VAT1L: variants seen among roughly 807,000 people sequenced by gnomAD.
VAT1L encodes the protein putative NADPH-dependent quinone oxidoreductase VAT1L.
VAT1L carries 34 observed loss-of-function variants against 44.1 expected under a neutral mutation model. That is an observed-to-expected ratio of 0.77 (90% CI 0.59 to 1.03). The LOEUF (loss-of-function observed/expected upper bound fraction) is 1.03, where lower values mean the gene tolerates loss of function less well. VAT1L is among the 50% of genes least tolerant of loss of function. The probability of loss-of-function intolerance (pLI) is 0.00; values close to 1 mark genes in which losing one functional copy is unlikely to be tolerated. For synonymous variants in VAT1L, 253 were observed against 202.2 expected (o/e 1.25, Z -2.13); for missense variants, 615 against 538.8 (o/e 1.14, Z -1.40).
chr16:77,963,405 C>G (rs139653518), intron 7 of VAT1L, among the ~76,000 whole-genome samples: 2 of 151,996 alleles, frequency 1.3e-5, no homozygotes, highest in African/African-American at 4.8e-5. Flanking sequence ...CTTCTAAAGA[C>G]GGGAAAGTCA....
rs556882601 is a variant in VAT1L at position 77,840,315 on chromosome 16, C to T, written c.579+14854C>T. Among the ~76,000 whole-genome samples the T allele has an allele frequency of 2.2e-3, 335 of 152,300 alleles. 1 individual carries two copies. The highest frequency in any genetic ancestry group is 3.6e-3 in the Non-Finnish European group (247 of 68,030). ...AGGGAAGTTCTCATAAAAGGGCACA[C>T]GTGAATGGTTATTTCGAAATCTTTC... On this transcript the variant is annotated intron_variant, in intron 3 of 8. Transcript: ENST00000302536.
chr16:77,872,816 C>A (rs568211711), intron 4 of VAT1L, among the ~76,000 whole-genome samples: 38 of 152,210 alleles, frequency 2.5e-4, no homozygotes, highest in Non-Finnish European at 4.6e-4. Context: ...GGGCAAACTT[C>A]TGCCTTCTCT....
intron 3 of VAT1L, among the ~76,000 whole-genome samples, chr16:77,850,934 A>C (rs1469878729): frequency 6.6e-6 from 1 of 152,188 alleles, no homozygotes; most frequent in Non-Finnish European, 1.5e-5. Flanking sequence ...ACAGTGTGTC[A>C]GTCTGTGGGC....
chr16:77,809,714 A>G (rs987704401), intron 1 of VAT1L, among the ~76,000 whole-genome samples: 1 of 152,232 alleles, frequency 6.6e-6, no homozygotes, highest in Non-Finnish European at 1.5e-5. Flanking sequence ...TTGCCCACAA[A>G]GAGAGAGGGT....
chr16:77,959,750 A>G (rs1271644276), intron 7 of VAT1L, among the ~76,000 whole-genome samples: 1 of 152,192 alleles, frequency 6.6e-6, no homozygotes, highest in Non-Finnish European at 1.5e-5. Context: ...ACTGAGGATT[A>G]TTAACCCTCG....
chr16:77,826,346 G>A (rs2016523401), intron 3 of VAT1L, among the ~76,000 whole-genome samples: 1 of 152,202 alleles, frequency 6.6e-6, no homozygotes, highest in Non-Finnish European at 1.5e-5. Flanking sequence ...CATTTTGTCA[G>A]TGATTTAGTT....
At chr16:77,907,354 C>T (rs758401601) in intron 7 of VAT1L, among the ~76,000 whole-genome samples, 47 of 152,202 alleles carry the variant, frequency 3.1e-4, no homozygotes. Context: ...TGCAGAAACC[C>T]TGGCTATGTC....
intron 7 of VAT1L, among the ~76,000 whole-genome samples, chr16:77,958,327 C>A (rs1597121255): frequency 1.3e-5 from 2 of 152,310 alleles, no homozygotes; most frequent in African/African-American, 4.8e-5. Flanking sequence ...ATTGCTTCCT[C>A]TTCTGTGCCC....
chr16:77,903,362 T>A (rs1225452346), intron 7 of VAT1L, among the ~76,000 whole-genome samples: 3 of 152,220 alleles, frequency 2.0e-5, no homozygotes, highest in Admixed American at 2.0e-4. Context: ...CTTCTTGAAA[T>A]AATTTTGGAA....
intron 4 of VAT1L, among the ~76,000 whole-genome samples, chr16:77,867,868 A>G (rs901611892): frequency 2.2e-4 from 34 of 151,796 alleles, no homozygotes; most frequent in Admixed American, 1.3e-4. Context: ...AAAAAAAAAA[A>G]AAAGAAAGAA....
intron 7 of VAT1L, among the ~76,000 whole-genome samples, chr16:77,955,606 C>A (rs1445059460): frequency 6.6e-6 from 1 of 151,918 alleles, no homozygotes; most frequent in Non-Finnish European, 1.5e-5. Context: ...TCGTCTGTAA[C>A]CCCAGCTACT....
At chr16:77,934,826 A>G (rs142966325) in intron 7 of VAT1L, among the ~76,000 whole-genome samples, 5 of 152,308 alleles carry the variant, frequency 3.3e-5, no homozygotes, top group African/African-American at 1.2e-4. Flanking sequence ...GGAAGTACCA[A>G]TTTGTGCCAG....
intron 3 of VAT1L, among the ~76,000 whole-genome samples, chr16:77,851,716 T>C (rs2016810429): frequency 6.6e-6 from 1 of 152,104 alleles, no homozygotes; most frequent in Non-Finnish European, 1.5e-5. Flanking sequence ...TCCACTATGC[T>C]TGGCACTGTA....
In VAT1L at chr16:77,876,218, C is replaced by A. The variant is rs138764927; in HGVS notation, c.723-152C>A. 10 of 636,396 alleles carry A rather than the reference C, an allele frequency of 1.6e-5. No homozygotes were observed. The African/African-American group carries it at 1.8e-4, about 12-fold the overall frequency. The allele number at this position is 636,396 out of a possible 1,614,324, so 39.4% of individuals were successfully genotyped here. On this transcript the variant is annotated intron_variant, in intron 4 of 8. Coordinates refer to ENST00000302536, the MANE Select transcript of VAT1L (RefSeq NM_020927.3). Reference sequence around the variant, plus strand: ...CACTGGATCTGGGAAGACATATCCACCTCCTGGGCTTCTGCCCTATTTATT... The same window carrying A: ...CACTGGATCTGGGAAGACATATCCAACTCCTGGGCTTCTGCCCTATTTATT...
chr16:77,792,016 T>G (rs1396910916), intron 1 of VAT1L, among the ~76,000 whole-genome samples: 1 of 152,198 alleles, frequency 6.6e-6, no homozygotes, highest in Admixed American at 6.5e-5. Flanking sequence ...AAGCCTCATC[T>G]CTTCCTATCC....
chr16:77,975,553 C>T (rs2018329996), intron 8 of VAT1L, among the ~76,000 whole-genome samples: 1 of 152,154 alleles, frequency 6.6e-6, no homozygotes, highest in African/African-American at 2.4e-5. Context: ...ATCTGCCCAG[C>T]CAGCATGCTG....
intron 4 of VAT1L, among the ~76,000 whole-genome samples, chr16:77,874,390 G>A (rs1464428397): frequency 6.6e-6 from 1 of 152,042 alleles, no homozygotes; most frequent in Non-Finnish European, 1.5e-5. Context: ...AATGCAAGGT[G>A]AAGACCTGAC....
At chr16:77,812,607 A>G (rs150511030) in intron 1 of VAT1L, among the ~76,000 whole-genome samples, 28 of 152,244 alleles carry the variant, frequency 1.8e-4, no homozygotes, top group Admixed American at 9.2e-4. Flanking sequence ...TTGTTTTCTC[A>G]GCTTGTTACG....
At chr16:77,935,492 C>T (rs530976313) in intron 7 of VAT1L, among the ~76,000 whole-genome samples, 12 of 120,550 alleles carry the variant, frequency 1.0e-4, no homozygotes, top group East Asian at 4.5e-4. Context: ...CATTCAATGA[C>T]GGTTTATAAA....
Sources: gnomAD v4.1 joint callset for allele counts (sites outside exome capture counted in the v4.1 genomes callset) on GRCh38, gnomAD v4.1.1 for gene constraint, MANE v1.5 for transcripts, NCBI Gene and HGNC (gene_info 2026-07-23, HGNC 2026-07-21) for gene names.